The following LRRC4C variants were observed in gnomAD, a reference collection of about 807,000 sequenced individuals.
The protein encoded by LRRC4C is leucine-rich repeat-containing protein 4C.
A neutral mutation model predicts 33.6 loss-of-function variants in LRRC4C; 5 were observed. That is an observed-to-expected ratio of 0.15 (90% CI 0.08 to 0.31). LRRC4C has a LOEUF of 0.31. Among genes scored for constraint, LRRC4C ranks in the 10% least tolerant of loss-of-function variants. The pLI is 1.00. For missense variants in LRRC4C, 560 were observed against 796.7 expected (o/e 0.70, Z 3.58); for synonymous variants, 329 against 302.0 (o/e 1.09, Z -0.93).
At chr11:40,124,352 C>A (rs911354642) in intron 6 of LRRC4C, among the ~76,000 whole-genome samples, 2 of 152,158 alleles carry the variant, frequency 1.3e-5, no homozygotes, top group Non-Finnish European at 2.9e-5. Flanking sequence ...AATATCTGCA[C>A]TCCCATGTTT....
At chr11:40,331,714 C>T (rs529903294) in intron 3 of LRRC4C, among the ~76,000 whole-genome samples, 1 of 152,238 alleles carries the variant, frequency 6.6e-6, no homozygotes, top group Admixed American at 6.5e-5. Flanking sequence ...TGCATCTTCT[C>T]CTGCCGTCAG....
chr11:41,428,628 C>T (rs887792034), intron 1 of LRRC4C, among the ~76,000 whole-genome samples: 1 of 152,028 alleles, frequency 6.6e-6, no homozygotes. Flanking sequence ...TGTTGGTATA[C>T]GTTGTATAGG....
intron 5 of LRRC4C, among the ~76,000 whole-genome samples, chr11:40,192,442 C>T (rs770545203): frequency 8.5e-5 from 13 of 152,212 alleles, no homozygotes; most frequent in African/African-American, 2.4e-4. Context: ...GTTTATCTCA[C>T]GGTCTTCGCA....
chr11:40,125,853 A>G (rs1043736391), intron 6 of LRRC4C, among the ~76,000 whole-genome samples: 1 of 152,170 alleles, frequency 6.6e-6, no homozygotes, highest in African/African-American at 2.4e-5. Flanking sequence ...ACACTTCTTC[A>G]AGTTTATTTC....
At chr11:40,866,322 A>G (rs1446850673) in intron 2 of LRRC4C, among the ~76,000 whole-genome samples, 2 of 152,152 alleles carry the variant, frequency 1.3e-5, no homozygotes, top group Non-Finnish European at 2.9e-5. Flanking sequence ...AAAAGGTCAG[A>G]AAAGTATAAA....
intron 3 of LRRC4C, among the ~76,000 whole-genome samples, chr11:40,543,660 G>A (rs374607633): frequency 3.3e-5 from 5 of 152,018 alleles, no homozygotes; most frequent in East Asian, 3.9e-4. Context: ...AGTTTCTTAC[G>A]GGAGTCCATG....
At position 41,363,526 on chromosome 11, in the gene LRRC4C, C is replaced by T. The variant is rs140058955; in HGVS notation, c.-496+95905G>A. On this transcript the variant is annotated intron_variant, in intron 1 of 6. Transcript: ENST00000528697. ...TTCTCAGGACTAATGACCTTAAGTC[C>T]CTGGCTATTGTTTAGTAGCATAAAT... Among the ~76,000 whole-genome samples, 220 of 152,174 alleles carry T rather than the reference C, an allele frequency of 1.4e-3. 1 individual carries two copies. The highest frequency in any genetic ancestry group is 4.6e-3 in the South Asian group (22 of 4,820).
intron 1 of LRRC4C, among the ~76,000 whole-genome samples, chr11:41,404,254 G>C (rs1338475285): frequency 1.3e-5 from 2 of 151,906 alleles, no homozygotes; most frequent in Non-Finnish European, 2.9e-5. Context: ...GTTTCCCCAA[G>C]CAAAGAGCTG....
chr11:40,713,204 T>G (rs1264076664), intron 2 of LRRC4C, among the ~76,000 whole-genome samples: 2 of 152,116 alleles, frequency 1.3e-5, no homozygotes. Flanking sequence ...ATTATTTCTT[T>G]TAAAGTTCTG....
chr11:40,852,194 A>C (rs1040499540), intron 2 of LRRC4C, among the ~76,000 whole-genome samples: 1 of 151,838 alleles, frequency 6.6e-6, no homozygotes, highest in East Asian at 1.9e-4. Context: ...TCATTTCTAA[A>C]TGGTATTTAA....
chr11:40,895,948 T>C (rs76090576), intron 2 of LRRC4C, among the ~76,000 whole-genome samples: 290 of 152,256 alleles, frequency 1.9e-3, no homozygotes, highest in Non-Finnish European at 3.5e-3. Flanking sequence ...TCCTCTGACC[T>C]GACTAAAATG....
intron 1 of LRRC4C, among the ~76,000 whole-genome samples, chr11:41,440,522 G>A (rs1308611330): frequency 6.6e-6 from 1 of 151,954 alleles, no homozygotes; most frequent in South Asian, 2.1e-4. Context: ...ACAGTTACGA[G>A]GAGAGTAACA....
At chr11:41,418,870 A>G (rs759338426) in intron 1 of LRRC4C, among the ~76,000 whole-genome samples, 1 of 152,020 alleles carries the variant, frequency 6.6e-6, no homozygotes, top group Non-Finnish European at 1.5e-5. Context: ...TGGTTGAAAT[A>G]ATTAAGGTGG....
At chr11:40,675,815 T>C (rs1944370763) in intron 2 of LRRC4C, among the ~76,000 whole-genome samples, 3 of 152,216 alleles carry the variant, frequency 2.0e-5, no homozygotes, top group Admixed American at 2.0e-4. Context: ...TGTTAAAGTT[T>C]TTTTGGAACA....
intron 1 of LRRC4C, among the ~76,000 whole-genome samples, chr11:41,247,443 T>A (rs1948489855): frequency 6.6e-6 from 1 of 152,220 alleles, no homozygotes; most frequent in Non-Finnish European, 1.5e-5. Flanking sequence ...TCAACTCCAA[T>A]GCTTTTTATA....
At chr11:41,139,494 G>A (rs556430573) in intron 1 of LRRC4C, among the ~76,000 whole-genome samples, 2 of 152,252 alleles carry the variant, frequency 1.3e-5, no homozygotes, top group South Asian at 2.1e-4. Flanking sequence ...TATTGAAAAC[G>A]GGCAATGAAC....
chr11:40,641,317 T>C (rs994567644), intron 3 of LRRC4C, among the ~76,000 whole-genome samples: 2 of 152,170 alleles, frequency 1.3e-5, no homozygotes, highest in South Asian at 2.1e-4. Context: ...ATTTGACCTA[T>C]TTTAATGTGC....
intron 2 of LRRC4C, among the ~76,000 whole-genome samples, chr11:40,857,985 A>AAGGGACAGGGACAGGGAC (rs1329795637): frequency 8.3e-5 from 10 of 120,368 alleles, no homozygotes; most frequent in African/African-American, 3.1e-4. Context: ...GGGAAAGGGA[A>AAGGGACAGGGACAGGGAC]AGGGACAGGG....
chr11:40,423,216 A>T (rs765127971), intron 3 of LRRC4C, among the ~76,000 whole-genome samples: 43 of 152,190 alleles, frequency 2.8e-4, no homozygotes, highest in Non-Finnish European at 5.3e-4. Context: ...AACACAGATT[A>T]AACTTAAATG....
Sources: allele counts gnomAD v4.1 joint callset (sites outside exome capture counted in the v4.1 genomes callset), GRCh38; gene constraint gnomAD v4.1.1; transcripts MANE v1.5; gene names NCBI Gene and HGNC (gene_info 2026-07-23, HGNC 2026-07-21).